Variants in ZFR2 observed in about 807,000 individuals in gnomAD.
ZFR2 encodes zinc finger RNA binding protein 2, also known as zinc finger RNA-binding protein 2.
In ZFR2, 104 loss-of-function variants were observed where a neutral mutation model predicts 105.7. The observed-to-expected ratio is 0.98, with a 90% confidence interval of 0.84 to 1.16. The LOEUF is 1.16. Among genes scored for constraint, ZFR2 ranks in the 50% most tolerant of loss-of-function variants. The pLI, the probability that ZFR2 is intolerant of heterozygous loss-of-function variation, is 0.00. For synonymous variants in ZFR2, 634 were observed against 597.7 expected (o/e 1.06, Z -0.89); for missense variants, 1,425 against 1,355.5 (o/e 1.05, Z -0.80).
In ZFR2 at chr19:3,823,658, AG is replaced by A. The variant is rs1568422132; in HGVS notation, c.1214-256del. ...AGCCCTGGTTTTAGGCCCTCGCTTGAGGAACCCACCGACAGCACAAAATCCA... is the reference window on the plus strand; with the variant it reads ...AGCCCTGGTTTTAGGCCCTCGCTTGAGAACCCACCGACAGCACAAAATCCA... On this transcript the variant is annotated intron_variant, in intron 7 of 18. Transcript: ENST00000262961. The surrounding 1 kb of genome is among the most constrained non-coding windows in gnomAD (Gnocchi z 5.4). 6.6e-6 allele frequency among the ~76,000 whole-genome samples: 1 copy of A among 152,190 alleles called. No homozygotes were observed. The highest frequency in any genetic ancestry group is 1.5e-5 in the Non-Finnish European group (1 of 68,038).
chr19:3,864,333 G>A (rs2038406571), intron 1 of ZFR2, among the ~76,000 whole-genome samples: 1 of 152,094 alleles, frequency 6.6e-6, no homozygotes, highest in Non-Finnish European at 1.5e-5. Context: ...AGCCAAGACT[G>A]CTACGGCACT....
At chr19:3,830,874 C>T (rs2038003833) in intron 5 of ZFR2, among the ~76,000 whole-genome samples, 1 of 152,130 alleles carries the variant, frequency 6.6e-6, no homozygotes, top group African/African-American at 2.4e-5. Context: ...CAAACAAGCA[C>T]TGCCAAGCAC....
At chr19:3,859,760 G>A (rs970991199) in intron 1 of ZFR2, among the ~76,000 whole-genome samples, 4 of 152,126 alleles carry the variant, frequency 2.6e-5, no homozygotes, top group African/African-American at 4.8e-5. Flanking sequence ...CATTTCAATC[G>A]CTGTGTGTAC....
chr19:3,814,784 C>T (rs886456569), intron 13 of ZFR2, among the ~76,000 whole-genome samples: 2 of 152,164 alleles, frequency 1.3e-5, no homozygotes, highest in Non-Finnish European at 2.9e-5. Context: ...TGCTCAAAAC[C>T]CTCCAGCCTC....
At chr19:3,867,197 G>A (rs1482531519) in intron 1 of ZFR2, among the ~76,000 whole-genome samples, 1 of 152,128 alleles carries the variant, frequency 6.6e-6, no homozygotes, top group Non-Finnish European at 1.5e-5. Context: ...GTGCCCAAGG[G>A]GTGGTTTGTA....
rs564897636 is a variant in ZFR2, at chr19:3,852,094, C to T, written c.53+16871G>A. The T allele has an allele frequency of 3.0e-3, 943 of 310,534 alleles. 13 individuals carry two copies. The highest frequency in any genetic ancestry group is 0.02 in the African/African-American group (892 of 45,530). 19.2% of individuals were successfully genotyped at this position (310,534 alleles called of 1,614,324 possible). On this transcript the variant is annotated intron_variant, in intron 1 of 18. Coordinates refer to ENST00000262961, the MANE Select transcript of ZFR2 (RefSeq NM_015174.2). ...AGCTGGGTGCCTCTTCTGGCCAAGG[C>T]GGTGCTCAGCTGGGTGGCTCTTCTG... is the stretch of plus-strand genomic sequence containing the variant.
intron 12 of ZFR2, among the ~76,000 whole-genome samples, chr19:3,817,567 GATAATA>G (rs10605531): frequency 0.021 from 2,579 of 123,960 alleles, 29 homozygotes; most frequent in Non-Finnish European, 0.022. Flanking sequence ...TCAAAATAAT[GATAATA>G]ATAATAATAA....
chr19:3,866,578 CAACATA>C (rs1478009779), intron 1 of ZFR2, among the ~76,000 whole-genome samples: 2 of 152,082 alleles, frequency 1.3e-5, no homozygotes, highest in Non-Finnish European at 2.9e-5. Context: ...CCTATTTGAA[CAACATA>C]AACATTCAAT....
intron 3 of ZFR2, 35 bp from the exon 4 acceptor site, chr19:3,831,913 C>A (rs762445172): frequency 1.9e-5 from 28 of 1,480,394 alleles, no homozygotes; most frequent in Non-Finnish European, 2.4e-5. Flanking sequence ...GCAGAGCCAA[C>A]CCCCACCCCA....
intron 5 of ZFR2, among the ~76,000 whole-genome samples, chr19:3,830,758 G>A (rs902884239): frequency 1.4e-5 from 2 of 147,136 alleles, no homozygotes; most frequent in Admixed American, 7.1e-5. Context: ...GAGCTCTAGG[G>A]TCTAATTATC....
rs2037684405 is a variant in ZFR2, at chr19:3,805,295, T to A, written c.*654A>T. Reference sequence around the variant, plus strand: ...CCCCTGGCTGTGGGGGATGGGGCCCTCGAGGAAGGGGTGCCACTCCCAGGG... The same window carrying A: ...CCCCTGGCTGTGGGGGATGGGGCCCACGAGGAAGGGGTGCCACTCCCAGGG... On this transcript the variant is annotated 3_prime_UTR_variant, in exon 19 of 19. Coordinates refer to ENST00000262961, the MANE Select transcript of ZFR2 (RefSeq NM_015174.2). 6.6e-6 allele frequency: 1 copy of A among 152,238 alleles called. No individual in the cohort carries two copies. The highest frequency in any genetic ancestry group is 2.1e-4 in the South Asian group (1 of 4,836). The allele number at this position is 152,238 out of a possible 1,614,324, so 9.4% of individuals were successfully genotyped here.
chr19:3,809,837 G>A (rs915207596), intron 16 of ZFR2, among the ~76,000 whole-genome samples: 3 of 152,192 alleles, frequency 2.0e-5, no homozygotes, highest in African/African-American at 2.4e-5. Context: ...CCAGCTACTC[G>A]GGAGGCTGAG....
In ZFR2 at chr19:3,823,458, T is replaced by C; in HGVS notation, c.1214-55A>G. On this transcript the variant is annotated intron_variant, in intron 7 of 18. Transcript: ENST00000262961. This position sits in a 1 kb window ranked among gnomAD's most constrained non-coding sequence, Gnocchi z 5.4. ...CTGTTCCAGGAGAAAGCACTGCAGCTGCAGACCCGCCAGGCGGCATGGGGT... is the reference window on the plus strand; with the variant it reads ...CTGTTCCAGGAGAAAGCACTGCAGCCGCAGACCCGCCAGGCGGCATGGGGT... 2 of 1,519,210 alleles carry C rather than the reference T, an allele frequency of 1.3e-6. No homozygotes were observed. Among genetic ancestry groups the C allele is most frequent in the Non-Finnish European group, 1.8e-6 (2 of 1,134,668 alleles). 94.1% of individuals were successfully genotyped at this position (1,519,210 alleles called of 1,614,324 possible).
At chr19:3,850,176 G>T (rs746145611) in intron 1 of ZFR2, among the ~76,000 whole-genome samples, 1 of 152,128 alleles carries the variant, frequency 6.6e-6, no homozygotes, top group Non-Finnish European at 1.5e-5. Context: ...CATGCCAACT[G>T]CTCTGAAGAC....
intron 7 of ZFR2, 62 bp downstream of exon 7, chr19:3,825,168 A>G: frequency 7.2e-7 from 1 of 1,398,108 alleles, no homozygotes; most frequent in South Asian, 1.7e-5. Context: ...TTTTCTCACG[A>G]AACTTTCACT....
At chr19:3,827,341 G>T in intron 6 of ZFR2, 130 bp downstream of exon 6, 2 of 1,148,196 alleles carry the variant, frequency 1.7e-6, no homozygotes, top group Non-Finnish European at 2.3e-6. Flanking sequence ...GCTGGCCCTT[G>T]GGGCGCGCTC....
At position 3,813,677 on chromosome 19, in the gene ZFR2, C is replaced by G. The variant is rs2037795253; in HGVS notation, c.2242+143G>C. The G allele has an allele frequency of 2.4e-6, 3 of 1,227,134 alleles. No individual in the cohort carries two copies. The African/African-American group carries it at 4.5e-5, about 18-fold the overall frequency. 76.0% of individuals were successfully genotyped at this position (1,227,134 alleles called of 1,614,324 possible). On this transcript the variant is annotated intron_variant, in intron 14 of 18. Coordinates refer to ENST00000262961, the MANE Select transcript of ZFR2 (RefSeq NM_015174.2). This position sits in a 1 kb window ranked among gnomAD's most constrained non-coding sequence, Gnocchi z 4.4. ...GCTCTTGTGTGACCCATGGAATCCT[C>G]AGGGGGACAGCAGTGCTGGAGCGTG...
intron 1 of ZFR2, among the ~76,000 whole-genome samples, chr19:3,866,929 A>C (rs1430832821): frequency 1.3e-5 from 2 of 152,216 alleles, no homozygotes; most frequent in Non-Finnish European, 2.9e-5. Flanking sequence ...ACTCCACCAG[A>C]GAAACCACTC....
At chr19:3,808,067 G>GCCCGTGTA (rs1334824164) in intron 17 of ZFR2, among the ~76,000 whole-genome samples, 2 of 149,752 alleles carry the variant, frequency 1.3e-5, no homozygotes, top group Admixed American at 6.6e-5. Context: ...GTGCATGTGT[G>GCCCGTGTA]CCCGTGTGTG....
Sources: allele counts gnomAD v4.1 joint callset (sites outside exome capture counted in the v4.1 genomes callset), GRCh38; gene constraint gnomAD v4.1.1; non-coding constraint Gnocchi (gnomAD v3.1); transcripts MANE v1.5; gene names NCBI Gene and HGNC (gene_info 2026-07-23, HGNC 2026-07-21).